The following RHOBTB2 variants were observed in gnomAD, a reference collection of about 807,000 sequenced individuals.
RHOBTB2 encodes rho-related BTB domain-containing protein 2.
A neutral mutation model predicts 66.5 loss-of-function variants in RHOBTB2; 39 were observed. That is an observed-to-expected ratio of 0.59 (90% CI 0.45 to 0.77). RHOBTB2 has a LOEUF of 0.77. Among genes scored for constraint, RHOBTB2 ranks in the 30% least tolerant of loss-of-function variants. The pLI, the probability that RHOBTB2 is intolerant of heterozygous loss-of-function variation, is 0.00. For missense variants in RHOBTB2, 755 were observed against 999.1 expected, an observed-to-expected ratio of 0.76 and a Z score of 3.29; for synonymous variants, 390 against 395.0, an observed-to-expected ratio of 0.99 and a Z score of 0.15.
chr8:22,994,745 G>A (rs1055723909), upstream of RHOBTB2: 1 of 799,466 alleles, frequency 1.3e-6, no homozygotes, highest in Non-Finnish European at 2.1e-6. Flanking sequence ...TAGACTGCAA[G>A]CACTAGACCA....
Position 23,005,248 on chromosome 8 carries a change from C to T in RHOBTB2, c.193-124C>T, listed in dbSNP as rs547869706. 1.0e-5 allele frequency: 7 copies of T among 678,504 alleles called. No homozygotes were observed. The South Asian group carries it at 1.1e-4, about 11-fold the overall frequency. 42.0% of individuals were successfully genotyped at this position (678,504 alleles called of 1,614,324 possible). A position where few individuals can be genotyped will look rare whatever the true frequency, so the allele number is the denominator to read the frequency against. ...AGGGTGCACAGTGGGCGATGCCAGCCTTGTCCCTCCATGCCCAGTGATGTC... is the reference window on the plus strand; with the variant it reads ...AGGGTGCACAGTGGGCGATGCCAGCTTTGTCCCTCCATGCCCAGTGATGTC... On this transcript the variant is annotated intron_variant, in intron 2 of 9. Coordinates refer to ENST00000251822, the MANE Select transcript of RHOBTB2 (RefSeq NM_015178.3).
intron 6 of RHOBTB2, among the ~76,000 whole-genome samples, 190 bp downstream of exon 6, chr8:23,008,301 C>G (rs1811035517): frequency 6.6e-6 from 1 of 152,202 alleles, no homozygotes; most frequent in Non-Finnish European, 1.5e-5. Context: ...GGGAATTACA[C>G]TGACACCTCA....
chr8:22,972,865 T>A, the RHOBTB2 span, among the ~76,000 whole-genome samples: 1 of 152,226 alleles, frequency 6.6e-6, no homozygotes, highest in African/African-American at 2.4e-5. Context: ...GATATGGCCT[T>A]CTTTTTCCTT....
chr8:22,957,087 T>C, the RHOBTB2 span, among the ~76,000 whole-genome samples: 1 of 152,268 alleles, frequency 6.6e-6, no homozygotes, highest in Non-Finnish European at 1.5e-5. Flanking sequence ...TTGTCTTTCA[T>C]GACCTTGACA....
upstream of RHOBTB2, among the ~76,000 whole-genome samples, chr8:22,984,211 T>C (rs928136309): frequency 6.6e-6 from 1 of 152,226 alleles, no homozygotes; most frequent in Non-Finnish European, 1.5e-5. Flanking sequence ...AAACAGTATA[T>C]AATTTTGGGA....
chr8:23,003,627 T>C (rs1450615915), intron 1 of RHOBTB2, among the ~76,000 whole-genome samples: 8 of 152,188 alleles, frequency 5.3e-5, no homozygotes, highest in African/African-American at 9.6e-5. Context: ...TAGAGGCCCA[T>C]TGGCCACTGA....
the RHOBTB2 span, among the ~76,000 whole-genome samples, chr8:22,956,509 C>T: frequency 6.6e-6 from 1 of 152,172 alleles, no homozygotes; most frequent in African/African-American, 2.4e-5. Context: ...GCTCACTCCC[C>T]CTTTGCCTTC....
At chr8:22,952,429 C>T in the RHOBTB2 span, among the ~76,000 whole-genome samples, 1 of 152,114 alleles carries the variant, frequency 6.6e-6, no homozygotes, top group Non-Finnish European at 1.5e-5. Context: ...GGAGTCTGTA[C>T]TTCTTCCCCA....
chr8:22,962,256 GAA>G, the RHOBTB2 span, among the ~76,000 whole-genome samples: 1,177 of 114,576 alleles, frequency 0.01, 13 homozygotes, highest in African/African-American at 0.028. Flanking sequence ...AAATTAAAAT[GAA>G]AAAAAAAAAA....
intron 7 of RHOBTB2, 112 bp from the exon 8 acceptor site, chr8:23,014,578 C>A: frequency 1.0e-6 from 1 of 958,152 alleles, no homozygotes; most frequent in Non-Finnish European, 1.6e-6. Context: ...CCTGTCCGGA[C>A]CTGCCCGGGC....
the RHOBTB2 span, among the ~76,000 whole-genome samples, chr8:22,962,232 ACCCAC>A: frequency 7.5e-6 from 1 of 132,884 alleles, no homozygotes; most frequent in African/African-American, 2.9e-5. Context: ...AGAGAAAGTA[ACCCAC>A]AAAGAGATAA....
At chr8:23,010,822 C>A in intron 7 of RHOBTB2, 134 bp downstream of exon 7, 3 of 1,004,976 alleles carry the variant, frequency 3.0e-6, no homozygotes, top group African/African-American at 1.6e-5. Flanking sequence ...GAAATGGAAT[C>A]TGTTGACGGG....
the RHOBTB2 span, among the ~76,000 whole-genome samples, chr8:22,973,460 C>T: frequency 2.0e-5 from 3 of 152,092 alleles, no homozygotes; most frequent in African/African-American, 7.2e-5. Flanking sequence ...TCTCGAACTC[C>T]TGGCCTCAAG....
chr8:22,982,582 A>T (rs1201229438), upstream of RHOBTB2, among the ~76,000 whole-genome samples: 3 of 152,184 alleles, frequency 2.0e-5, no homozygotes, highest in Non-Finnish European at 4.4e-5. Context: ...AGATGACACC[A>T]TTGGCAAGAG....
At chr8:22,994,246 C>T (rs1810489156) in intron 2 of RHOBTB2, among the ~76,000 whole-genome samples, 1 of 152,174 alleles carries the variant, frequency 6.6e-6, no homozygotes, top group African/African-American at 2.4e-5. Flanking sequence ...TCCAGGCCTC[C>T]GATGCATGAC....
chr8:23,019,443 G>C lies in RHOBTB2; in HGVS notation c.*1974G>C, dbSNP rs1202669235. The C allele has an allele frequency of 6.6e-6, 1 of 152,388 alleles. No homozygotes were observed. Among genetic ancestry groups the C allele is most frequent in the Admixed American group, 6.5e-5 (1 of 15,286 alleles). 9.4% of individuals were successfully genotyped at this position (152,388 alleles called of 1,614,324 possible). ...CTCGGCCTCCCTGCAGCTCAGCGCA[G>C]CCCAGGGCTCCAAGTGAGGCCCAGA... On this transcript the variant is annotated 3_prime_UTR_variant, in exon 10 of 10. Transcript: ENST00000251822.
chr8:23,007,820 G>A (rs1811020220), intron 5 of RHOBTB2, 74 bp downstream of exon 5: 1 of 1,566,344 alleles, frequency 6.4e-7, no homozygotes, highest in Non-Finnish European at 8.7e-7. Flanking sequence ...CTCAGCTCCT[G>A]GTGTCCTGGA....
At chr8:23,012,216 GA>G (rs1421699832) in intron 7 of RHOBTB2, among the ~76,000 whole-genome samples, 2 of 152,150 alleles carry the variant, frequency 1.3e-5, no homozygotes, top group Non-Finnish European at 2.9e-5. Flanking sequence ...ACCCAAAGGG[GA>G]AAAATGCATA....
intron 1 of RHOBTB2, among the ~76,000 whole-genome samples, chr8:23,003,033 C>T (rs1810831859): frequency 6.6e-6 from 1 of 152,228 alleles, no homozygotes; most frequent in Admixed American, 6.5e-5. Flanking sequence ...CTGGATGGCT[C>T]AGCAGCCAGG....
Sources: gnomAD v4.1 joint callset for allele counts (sites outside exome capture counted in the v4.1 genomes callset) on GRCh38, gnomAD v4.1.1 for gene constraint, MANE v1.5 for transcripts, NCBI Gene and HGNC (gene_info 2026-07-23, HGNC 2026-07-21) for gene names.